Variants in RABGAP1L observed in about 807,000 individuals in gnomAD.
RABGAP1L encodes RAB GTPase activating protein 1 like, also known as rab GTPase-activating protein 1-like.
In RABGAP1L, 63 loss-of-function variants were observed where a neutral mutation model predicts 137.7. The observed-to-expected ratio is 0.46, with a 90% confidence interval of 0.37 to 0.56. The LOEUF (loss-of-function observed/expected upper bound fraction) is 0.56, where lower values mean the gene tolerates loss of function less well. Among genes scored for constraint, RABGAP1L ranks in the 20% least tolerant of loss-of-function variants. The pLI is 0.00. For missense variants in RABGAP1L, 1,095 were observed against 1,244.0 expected (o/e 0.88, Z 1.80); for synonymous variants, 431 against 433.7 (o/e 0.99, Z 0.08).
intron 13 of RABGAP1L, among the ~76,000 whole-genome samples, chr1:174,589,898 C>G (rs1247279647): frequency 6.6e-6 from 1 of 152,088 alleles, no homozygotes; most frequent in African/African-American, 2.4e-5. Flanking sequence ...AATGTGAGTT[C>G]TCCAGTTTTG....
chr1:174,550,997 C>CATATATATATATATATATATATACAT (rs1252681895), intron 13 of RABGAP1L, among the ~76,000 whole-genome samples: 2 of 92,208 alleles, frequency 2.2e-5, no homozygotes, highest in Non-Finnish European at 3.6e-5. Flanking sequence ...TATATATATA[C>CATATATATATATATATATATATACAT]ACATATATAT....
At chr1:174,783,189 G>A (rs1687155193) in intron 18 of RABGAP1L, among the ~76,000 whole-genome samples, 1 of 152,182 alleles carries the variant, frequency 6.6e-6, no homozygotes, top group Non-Finnish European at 1.5e-5. Flanking sequence ...TCCTGATGGG[G>A]CTAAAGGCTC....
intron 13 of RABGAP1L, among the ~76,000 whole-genome samples, chr1:174,622,313 A>C (rs1033140131): frequency 6.6e-6 from 1 of 152,230 alleles, no homozygotes; most frequent in Non-Finnish European, 1.5e-5. Context: ...TCAAGGATCT[A>C]GAACTAGGAA....
chr1:174,222,996 G>C (rs144223438), intron 3 of RABGAP1L, among the ~76,000 whole-genome samples: 3 of 151,670 alleles, frequency 2.0e-5, no homozygotes, highest in Non-Finnish European at 4.4e-5. Flanking sequence ...ATGGCTGGGC[G>C]GGGTGGCTCA....
At position 174,976,011 on chromosome 1, in the gene RABGAP1L, T is replaced by A. The variant is rs1670613565; in HGVS notation, c.2545-67T>A. The A allele has an allele frequency of 5.7e-6, 8 of 1,395,784 alleles. No individual in the cohort carries two copies. In the South Asian group the frequency reaches 8.8e-5, roughly 15 times the overall value. The allele number at this position is 1,395,784 out of a possible 1,614,324, so 86.5% of individuals were successfully genotyped here. A position where few individuals can be genotyped will look rare whatever the true frequency, so the allele number is the denominator to read the frequency against. ...AACTGAAGATTGGGTTTGGAGAAGATTTCCACACACTTTCTTTACCCTCTG... is the reference window on the plus strand; with the variant it reads ...AACTGAAGATTGGGTTTGGAGAAGAATTCCACACACTTTCTTTACCCTCTG... On this transcript the variant is annotated intron_variant, in intron 21 of 25. Coordinates refer to ENST00000681986, the MANE Select transcript of RABGAP1L (RefSeq NM_001366446.1).
chr1:174,601,522 G>A (rs56118531), intron 13 of RABGAP1L, among the ~76,000 whole-genome samples: 4 of 152,092 alleles, frequency 2.6e-5, no homozygotes, highest in African/African-American at 7.2e-5. Flanking sequence ...GGGAGGGATA[G>A]CATTAGGAGA....
intron 13 of RABGAP1L, among the ~76,000 whole-genome samples, chr1:174,621,458 A>G (rs1429541447): frequency 1.3e-5 from 2 of 152,204 alleles, no homozygotes. Context: ...AAACTATACT[A>G]CAAGGCTACA....
chr1:174,313,789 A>T (rs919993135), intron 11 of RABGAP1L, among the ~76,000 whole-genome samples: 2 of 152,000 alleles, frequency 1.3e-5, no homozygotes, highest in Non-Finnish European at 2.9e-5. Flanking sequence ...TTTTTCCTTC[A>T]TTCTGTTGAT....
intron 3 of RABGAP1L, among the ~76,000 whole-genome samples, chr1:174,230,630 T>A (rs1438955297): frequency 6.6e-6 from 1 of 152,162 alleles, no homozygotes; most frequent in Middle Eastern, 3.2e-3. Context: ...GGAAGCCATC[T>A]GGGGAGATAT....
At chr1:174,680,420 A>G (rs1358371576) in intron 14 of RABGAP1L, among the ~76,000 whole-genome samples, 2 of 152,308 alleles carry the variant, frequency 1.3e-5, no homozygotes, top group East Asian at 3.9e-4. Context: ...GACCCTCATC[A>G]GACTGAATTG....
At chr1:174,883,480 T>C (rs560512124) in intron 19 of RABGAP1L, among the ~76,000 whole-genome samples, 4 of 152,300 alleles carry the variant, frequency 2.6e-5, no homozygotes, top group African/African-American at 9.6e-5. Flanking sequence ...AGAATTACTT[T>C]GCTTGATTAG....
intron 12 of RABGAP1L, among the ~76,000 whole-genome samples, chr1:174,381,327 C>G (rs1686135424): frequency 6.9e-6 from 1 of 145,906 alleles, no homozygotes; most frequent in South Asian, 2.2e-4. Flanking sequence ...GAGCTGAGTT[C>G]AATTCCTGGG....
intron 19 of RABGAP1L, among the ~76,000 whole-genome samples, chr1:174,825,787 A>C (rs180675240): frequency 1.2e-4 from 19 of 152,302 alleles, no homozygotes; most frequent in Non-Finnish European, 7.4e-5. Context: ...CCAACTCGGG[A>C]GGCTGAGGCA....
intron 13 of RABGAP1L, among the ~76,000 whole-genome samples, chr1:174,445,649 T>A (rs991419622): frequency 2.6e-5 from 4 of 152,168 alleles, no homozygotes; most frequent in African/African-American, 9.7e-5. Context: ...TAGAGAGAAG[T>A]TAGTAGTCAT....
intron 19 of RABGAP1L, among the ~76,000 whole-genome samples, chr1:174,943,190 T>C (rs1021398443): frequency 1.7e-4 from 26 of 152,224 alleles, no homozygotes; most frequent in South Asian, 4.1e-4. Flanking sequence ...GCTTGATGTG[T>C]GTGTGACCTG....
chr1:174,200,512 T>A (rs1668021295), intron 1 of RABGAP1L, among the ~76,000 whole-genome samples: 1 of 152,254 alleles, frequency 6.6e-6, no homozygotes, highest in Admixed American at 6.5e-5. Flanking sequence ...ACCTATAGAA[T>A]AATCATATTT....
chr1:174,613,827 C>G (rs1419918470), intron 13 of RABGAP1L, among the ~76,000 whole-genome samples: 1 of 152,096 alleles, frequency 6.6e-6, no homozygotes, highest in Non-Finnish European at 1.5e-5. Context: ...TTCTTTGTCT[C>G]TTTTGATCTT....
chr1:174,377,670 A>T lies in RABGAP1L; in HGVS notation c.1559+6598A>T, dbSNP rs887451653. Among the ~76,000 whole-genome samples the T allele has an allele frequency of 5.9e-5, 9 of 152,134 alleles. No homozygotes were observed. In the South Asian group the frequency reaches 1.9e-3, roughly 32 times the overall value. Reference sequence around the variant, plus strand: ...TACAGTGAGATACCACTTCATACCCACTACGATGTCAATCATTACAAAGAC... The same window carrying T: ...TACAGTGAGATACCACTTCATACCCTCTACGATGTCAATCATTACAAAGAC... On this transcript the variant is annotated intron_variant, in intron 12 of 25. Transcript: ENST00000681986.
intron 19 of RABGAP1L, among the ~76,000 whole-genome samples, chr1:174,822,928 A>G (rs532462494): frequency 4.6e-5 from 7 of 152,362 alleles, no homozygotes; most frequent in African/African-American, 1.7e-4. Flanking sequence ...CCATACATAC[A>G]TTTTAAAATT....
Sources: allele counts gnomAD v4.1 joint callset (sites outside exome capture counted in the v4.1 genomes callset), GRCh38; gene constraint gnomAD v4.1.1; transcripts MANE v1.5; gene names NCBI Gene and HGNC (gene_info 2026-07-23, HGNC 2026-07-21).